The following OR1J2 variants were observed in gnomAD, a reference collection of about 807,000 sequenced individuals.
OR1J2 encodes the protein olfactory receptor 1J2.
For missense variants in OR1J2, 304 were observed against 246.1 expected, an observed-to-expected ratio of 1.24 and a Z score of -1.57; for synonymous variants, 142 against 99.7, an observed-to-expected ratio of 1.42 and a Z score of -2.52.
At chr9:122,557,880 A>T in the OR1J2 span, among the ~76,000 whole-genome samples, 6 of 152,130 alleles carry the variant, frequency 3.9e-5, no homozygotes, top group South Asian at 1.0e-3. Flanking sequence ...TATTGAGTTA[A>T]TTTCTTTAAT....
At chr9:122,542,923 C>G in the OR1J2 span, among the ~76,000 whole-genome samples, 1 of 152,158 alleles carries the variant, frequency 6.6e-6, no homozygotes, top group Non-Finnish European at 1.5e-5. Flanking sequence ...TGAGATTTAT[C>G]CACGTTGTGG....
chr9:122,569,532 C>T, the OR1J2 span, among the ~76,000 whole-genome samples: 5 of 152,126 alleles, frequency 3.3e-5, no homozygotes, highest in East Asian at 9.6e-4. Flanking sequence ...TCATTCATAC[C>T]TTGTGAATAG....
the OR1J2 span, chr9:122,568,222 A>C: frequency 3.0e-5 from 49 of 1,614,062 alleles, no homozygotes; most frequent in Middle Eastern, 3.3e-4. Flanking sequence ...TCTGACAGGA[A>C]GTTCATCAGC....
At chr9:122,472,183 CTGT>C in the OR1J2 span, among the ~76,000 whole-genome samples, 2 of 152,166 alleles carry the variant, frequency 1.3e-5, no homozygotes, top group African/African-American at 4.8e-5. Context: ...TAGTCTTGAT[CTGT>C]ATGTTCTCCC....
chr9:122,522,211 G>A, the OR1J2 span, among the ~76,000 whole-genome samples: 9 of 152,308 alleles, frequency 5.9e-5, no homozygotes, highest in African/African-American at 2.2e-4. Flanking sequence ...ATCCATGAAT[G>A]TGTGATTTTT....
the OR1J2 span, among the ~76,000 whole-genome samples, chr9:122,549,552 A>G: frequency 0.19 from 28,649 of 152,140 alleles, 2,980 homozygotes; most frequent in East Asian, 0.33. Context: ...GGTGAGAAAT[A>G]TGGGTCCAGT....
chr9:122,529,602 G>C, the OR1J2 span, among the ~76,000 whole-genome samples: 2 of 152,034 alleles, frequency 1.3e-5, no homozygotes, highest in African/African-American at 2.4e-5. Flanking sequence ...ACCATCTCTT[G>C]CTCTATTTTT....
At chr9:122,459,229 C>T in the OR1J2 span, among the ~76,000 whole-genome samples, 2 of 152,124 alleles carry the variant, frequency 1.3e-5, no homozygotes, top group East Asian at 1.9e-4. Flanking sequence ...ATTTTGGCTA[C>T]TGTGAGTGGT....
At chr9:122,451,219 C>T in the OR1J2 span, among the ~76,000 whole-genome samples, 1 of 149,430 alleles carries the variant, frequency 6.7e-6, no homozygotes, top group Non-Finnish European at 1.5e-5. Context: ...GAGTTTCGCT[C>T]TTGTTACCCA....
downstream of OR1J2, among the ~76,000 whole-genome samples, chr9:122,516,019 G>A (rs1349402525): frequency 6.6e-6 from 1 of 151,970 alleles, no homozygotes; most frequent in African/African-American, 2.4e-5. Flanking sequence ...CTATGGATGA[G>A]GTGTTTTTAT....
At chr9:122,530,571 A>G in the OR1J2 span, among the ~76,000 whole-genome samples, 2 of 152,136 alleles carry the variant, frequency 1.3e-5, no homozygotes, top group Non-Finnish European at 2.9e-5. Flanking sequence ...TTTTTTCTCT[A>G]TGAAAAGTGG....
chr9:122,450,185 A>G, the OR1J2 span, among the ~76,000 whole-genome samples: 1 of 152,084 alleles, frequency 6.6e-6, no homozygotes, highest in African/African-American at 2.4e-5. Context: ...ATTCTCAGCA[A>G]TTTGGGAGGC....
chr9:122,552,529 A>G, the OR1J2 span, among the ~76,000 whole-genome samples: 2 of 151,904 alleles, frequency 1.3e-5, no homozygotes, highest in African/African-American at 4.8e-5. Context: ...TCCCTGTCCT[A>G]TTTGTATGCG....
the OR1J2 span, among the ~76,000 whole-genome samples, chr9:122,538,356 A>G: frequency 6.6e-6 from 1 of 152,038 alleles, no homozygotes; most frequent in Non-Finnish European, 1.5e-5. Context: ...GGTTAAATGT[A>G]TTTCTAGGTA....
the OR1J2 span, among the ~76,000 whole-genome samples, chr9:122,552,324 A>G: frequency 6.6e-6 from 1 of 152,200 alleles, no homozygotes. Flanking sequence ...TTTCAAACCA[A>G]AAAGTCAGGG....
the OR1J2 span, among the ~76,000 whole-genome samples, chr9:122,454,792 G>C: frequency 6.6e-6 from 1 of 152,208 alleles, no homozygotes; most frequent in African/African-American, 2.4e-5. Context: ...ATGAGATGAA[G>C]TCACTATCCA....
At chr9:122,449,393 A>G in the OR1J2 span, among the ~76,000 whole-genome samples, 2 of 151,992 alleles carry the variant, frequency 1.3e-5, no homozygotes, top group African/African-American at 2.4e-5. Flanking sequence ...TTTCTGAGAC[A>G]GAGTCTCGCT....
the OR1J2 span, among the ~76,000 whole-genome samples, chr9:122,452,764 C>T: frequency 6.6e-6 from 1 of 152,092 alleles, no homozygotes; most frequent in African/African-American, 2.4e-5. Context: ...CACAGTGGCT[C>T]ACGCCTGTAA....
At chr9:122,506,559 G>A (rs565339705), upstream of OR1J2, among the ~76,000 whole-genome samples, 52 of 152,080 alleles carry the variant, frequency 3.4e-4, no homozygotes, top group Non-Finnish European at 1.6e-4. Flanking sequence ...GAGAACCTTA[G>A]GAACACTTAT....
Sources: allele counts gnomAD v4.1 joint callset (sites outside exome capture counted in the v4.1 genomes callset), GRCh38; gene constraint gnomAD v4.1.1; transcripts MANE v1.5; gene names NCBI Gene and HGNC (gene_info 2026-07-23, HGNC 2026-07-21).